DMXL1: variants seen among roughly 807,000 people sequenced by gnomAD.
The protein encoded by DMXL1 is Dmx like 1, also known as dmX-like protein 1.
Under a neutral mutation model 319.2 loss-of-function variants are expected in DMXL1, and 99 were observed. The ratio of observed to expected loss-of-function variants is 0.31; its 90% CI spans 0.26 to 0.37. The LOEUF is 0.37. DMXL1 is among the 10% of genes least tolerant of loss of function. DMXL1 has a pLI of 1.00. For missense variants in DMXL1, 3,745 were observed against 3,595.6 expected (o/e 1.04, Z -1.06); for synonymous variants, 1,385 against 1,235.2 (o/e 1.12, Z -2.54).
chr5:119,168,721 TA>T lies in DMXL1; in HGVS notation c.5398+870del, dbSNP rs199793180. Among the ~76,000 whole-genome samples the T allele has an allele frequency of 7.1e-3, 1,041 of 145,906 alleles. 33 individuals carry two copies. The East Asian group carries it at 0.099, about 14-fold the overall frequency. ...ACTTTCTTTTTTTAGTGTTTTTATT[TA>T]AAAAAAAAAAAATTAGACACAGTAT... On this transcript the variant is annotated intron_variant, in intron 23 of 43. Coordinates refer to ENST00000539542, the MANE Select transcript of DMXL1 (RefSeq NM_001290321.3).
intron 28 of DMXL1, among the ~76,000 whole-genome samples, chr5:119,181,675 G>T (rs908223781): frequency 6.6e-6 from 1 of 152,160 alleles, no homozygotes; most frequent in Non-Finnish European, 1.5e-5. Flanking sequence ...AGCCGGGTGT[G>T]GTGGCATGTG....
At chr5:119,198,292 A>C (rs949474871) in intron 32 of DMXL1, among the ~76,000 whole-genome samples, 1 of 152,274 alleles carries the variant, frequency 6.6e-6, no homozygotes, top group African/African-American at 2.4e-5. Context: ...CCTGCCCTGA[A>C]TACTGTTTTT....
chr5:119,157,266 C>T (rs1387962998), intron 19 of DMXL1, among the ~76,000 whole-genome samples: 1 of 152,164 alleles, frequency 6.6e-6, no homozygotes, highest in Non-Finnish European at 1.5e-5. Flanking sequence ...TTTCCCAATC[C>T]ACGGCTTTTC....
At chr5:119,108,360 G>C (rs1200197385) in intron 4 of DMXL1, among the ~76,000 whole-genome samples, 1 of 152,030 alleles carries the variant, frequency 6.6e-6, no homozygotes, top group East Asian at 1.9e-4. Context: ...CATAGAGTTG[G>C]AATCTGTCCT....
chr5:119,219,522 A>G (rs1784283090), intron 35 of DMXL1, among the ~76,000 whole-genome samples: 1 of 152,038 alleles, frequency 6.6e-6, no homozygotes, highest in Non-Finnish European at 1.5e-5. Flanking sequence ...TGCTGTCAAT[A>G]TCTTCCTGTT....
At chr5:119,246,337 G>A (rs918441363) in intron 43 of DMXL1, among the ~76,000 whole-genome samples, 11 of 152,000 alleles carry the variant, frequency 7.2e-5, no homozygotes, top group Non-Finnish European at 1.3e-4. Flanking sequence ...ACACCTATAC[G>A]GCAAAAGCTC....
intron 9 of DMXL1, among the ~76,000 whole-genome samples, chr5:119,122,519 G>A (rs1296334161): frequency 5.9e-5 from 9 of 151,498 alleles, no homozygotes; most frequent in East Asian, 3.9e-4. Context: ...GGTGGCTGCC[G>A]GGCGGAGAGG....
intron 1 of DMXL1, among the ~76,000 whole-genome samples, chr5:119,078,967 G>T (rs993444426): frequency 1.3e-5 from 2 of 151,854 alleles, no homozygotes; most frequent in Admixed American, 6.5e-5. Flanking sequence ...CTTTTTGTTT[G>T]CGCCAGTCTG....
chr5:119,092,385 G>T (rs1026416891), intron 1 of DMXL1, among the ~76,000 whole-genome samples: 1 of 151,278 alleles, frequency 6.6e-6, no homozygotes. Context: ...CTCCTGATTC[G>T]GTGGGATTAC....
intron 19 of DMXL1, among the ~76,000 whole-genome samples, chr5:119,158,159 T>A (rs1771505220): frequency 6.6e-6 from 1 of 151,804 alleles, no homozygotes; most frequent in African/African-American, 2.4e-5. Flanking sequence ...CCCAAAGTGC[T>A]AGGATTACAG....
intron 34 of DMXL1, among the ~76,000 whole-genome samples, chr5:119,210,088 G>T (rs1782479778): frequency 6.6e-6 from 1 of 151,852 alleles, no homozygotes. Context: ...CATACCTCAG[G>T]TGTGCACTAA....
At chr5:119,187,773 C>T (rs1206540396) in intron 28 of DMXL1, among the ~76,000 whole-genome samples, 2 of 152,108 alleles carry the variant, frequency 1.3e-5, no homozygotes, top group Admixed American at 6.5e-5. Flanking sequence ...AGCAATTCTC[C>T]TGTCTCAGCC....
chr5:119,098,799 A>G (rs1756569520), intron 2 of DMXL1, among the ~76,000 whole-genome samples: 1 of 152,218 alleles, frequency 6.6e-6, no homozygotes, highest in South Asian at 2.1e-4. Flanking sequence ...GGTAAGGCCT[A>G]TATATAGTTG....
chr5:119,210,090 G>A (rs1233695235), intron 34 of DMXL1, among the ~76,000 whole-genome samples: 1 of 151,908 alleles, frequency 6.6e-6, no homozygotes, highest in Non-Finnish European at 1.5e-5. Context: ...TACCTCAGGT[G>A]TGCACTAACA....
intron 1 of DMXL1, among the ~76,000 whole-genome samples, chr5:119,086,660 G>A (rs953112409): frequency 6.6e-6 from 1 of 152,158 alleles, no homozygotes; most frequent in African/African-American, 2.4e-5. Flanking sequence ...ATTCAGCAGT[G>A]AAACCATCAG....
chr5:119,137,973 A>C (rs986557689), intron 13 of DMXL1, among the ~76,000 whole-genome samples: 1 of 152,238 alleles, frequency 6.6e-6, no homozygotes, highest in Non-Finnish European at 1.5e-5. Flanking sequence ...CCATTGTGGT[A>C]ACTTCAGGTT....
chr5:119,139,894 G>A (rs1330846459), intron 13 of DMXL1, among the ~76,000 whole-genome samples: 1 of 152,142 alleles, frequency 6.6e-6, no homozygotes, highest in African/African-American at 2.4e-5. Flanking sequence ...CTCAGCAAAT[G>A]CAGAAGAACC....
In DMXL1 at chr5:119,149,547, A is replaced by T. The variant is rs748537498; in HGVS notation, c.3720A>T (p.Gln1240His). The change falls in exon 18 of 44, where the codon CAA (glutamine) becomes CAT (histidine). Residue 1240 changes from glutamine (Q) to histidine (H), a missense_variant. This residue lies in a region of DMXL1 where 2,096 missense variants were observed against 1,985.4 expected (regional missense o/e 1.06). Transcript: ENST00000539542. ...ACTGTGAAATGCATGTGTATTGCCA[A>T]TGGCAACCATCTTCTAAACAAGAAC... Reference protein sequence around the residue: ...GMDCEMHVYCQWQPSSKQEPV... With the variant: ...GMDCEMHVYCHWQPSSKQEPV... 6.2e-7 allele frequency: 1 copy of T among 1,613,936 alleles called. No individual in the cohort carries two copies. The highest frequency in any genetic ancestry group is 1.7e-5 in the Admixed American group (1 of 59,974).
At chr5:119,223,106 C>T (rs1308046038) in intron 37 of DMXL1, among the ~76,000 whole-genome samples, 2 of 141,442 alleles carry the variant, frequency 1.4e-5, no homozygotes, top group East Asian at 2.1e-4. Flanking sequence ...GCCCAGTCTG[C>T]AGTGCAGTGG....
Sources: allele counts gnomAD v4.1 joint callset (sites outside exome capture counted in the v4.1 genomes callset), GRCh38; gene constraint gnomAD v4.1.1; regional missense constraint gnomAD v4.1.1; transcripts MANE v1.5; gene names NCBI Gene and HGNC (gene_info 2026-07-23, HGNC 2026-07-21).